The following EFCAB5 variants were observed in gnomAD, a reference collection of about 807,000 sequenced individuals.
EFCAB5 encodes the protein EF-hand calcium binding domain 5, also known as EF-hand calcium-binding domain-containing protein 5.
In EFCAB5, 131 loss-of-function variants were observed where a neutral mutation model predicts 167.9. The ratio of observed to expected loss-of-function variants is 0.78; its 90% confidence interval spans 0.68 to 0.90. The LOEUF (loss-of-function observed/expected upper bound fraction) is 0.90, where lower values mean the gene tolerates loss of function less well. Ranked by LOEUF, EFCAB5 falls within the 40% of genes least tolerant of loss-of-function variation. EFCAB5 has a pLI of 0.00. For synonymous variants in EFCAB5, 574 were observed against 602.8 expected (o/e 0.95, Z 0.70); for missense variants, 1,663 against 1,745.2 (o/e 0.95, Z 0.84).
intron 19 of EFCAB5, among the ~76,000 whole-genome samples, chr17:30,087,811 T>C (rs1190646778): frequency 6.6e-6 from 1 of 152,262 alleles, no homozygotes; most frequent in Non-Finnish European, 1.5e-5. Context: ...ATATACCCGC[T>C]AATGGGATTG....
chr17:30,068,634 G>T (rs1008382799), intron 14 of EFCAB5: 3 of 1,511,914 alleles, frequency 2.0e-6, no homozygotes, highest in Non-Finnish European at 2.7e-6. Flanking sequence ...TCGCTAGGGC[G>T]GTGGACATCA....
intron 10 of EFCAB5, among the ~76,000 whole-genome samples, chr17:30,055,319 A>T (rs932777133): frequency 1.5e-5 from 2 of 136,424 alleles, no homozygotes; most frequent in Non-Finnish European, 3.2e-5. Flanking sequence ...GAAGAGAGAG[A>T]GAGAGGAAGG....
intron 3 of EFCAB5, among the ~76,000 whole-genome samples, chr17:29,966,852 C>T (rs76402142): frequency 6.7e-6 from 1 of 149,282 alleles, no homozygotes; most frequent in Admixed American, 6.6e-5. Flanking sequence ...TTTTTTTTTT[C>T]AGCACTTCCT....
chr17:29,996,789 A>G (rs1341866807), intron 6 of EFCAB5, among the ~76,000 whole-genome samples: 1 of 152,086 alleles, frequency 6.6e-6, no homozygotes, highest in African/African-American at 2.4e-5. Flanking sequence ...CCTTAGTTTG[A>G]ATTTCCTTGA....
upstream of EFCAB5, among the ~76,000 whole-genome samples, chr17:29,937,343 C>T (rs1251472545): frequency 2.0e-5 from 3 of 152,068 alleles, no homozygotes; most frequent in Non-Finnish European, 4.4e-5. Flanking sequence ...TGTGCCACCA[C>T]GCCCGGCTAA....
intron 6 of EFCAB5, among the ~76,000 whole-genome samples, 179 bp downstream of exon 6, chr17:29,996,539 T>C (rs149246800): frequency 1.1e-3 from 162 of 152,324 alleles, no homozygotes; most frequent in African/African-American, 3.6e-3. Context: ...AATCTGTGAT[T>C]CTCAATCCTT....
chr17:29,965,368 C>G (rs1226358390), intron 3 of EFCAB5, among the ~76,000 whole-genome samples: 1 of 151,974 alleles, frequency 6.6e-6, no homozygotes, highest in African/African-American at 2.4e-5. Flanking sequence ...CTAACTTCAT[C>G]AAGCTTTGTG....
chr17:29,965,808 T>C (rs183894612), intron 3 of EFCAB5, among the ~76,000 whole-genome samples: 1 of 152,382 alleles, frequency 6.6e-6, no homozygotes, highest in African/African-American at 2.4e-5. Context: ...CTTATGCCAG[T>C]ACTACTTCAG....
At chr17:30,052,834 T>C (rs533124712) in intron 9 of EFCAB5, among the ~76,000 whole-genome samples, 4 of 152,344 alleles carry the variant, frequency 2.6e-5, no homozygotes, top group African/African-American at 7.2e-5. Context: ...CATTGAAAGA[T>C]TGTCATGGAT....
intron 7 of EFCAB5, among the ~76,000 whole-genome samples, chr17:30,023,408 C>T (rs2069233319): frequency 1.3e-5 from 2 of 152,014 alleles, no homozygotes. Context: ...AACACCTCTA[C>T]TCAAATAAAC....
chr17:29,943,744 CG>C (rs2067339478), intron 3 of EFCAB5, 95 bp downstream of exon 3: 4 of 1,070,010 alleles, frequency 3.7e-6, no homozygotes, highest in Non-Finnish European at 5.3e-6. Context: ...GAGGCCGAGG[CG>C]GGTGGATCAT....
At chr17:30,057,295 T>C (rs1483672875) in intron 12 of EFCAB5, among the ~76,000 whole-genome samples, 2 of 152,236 alleles carry the variant, frequency 1.3e-5, no homozygotes, top group African/African-American at 4.8e-5. Context: ...TGAAAGCATC[T>C]CTAAGCTTAT....
At chr17:30,027,365 TG>T (rs2069358330) in intron 7 of EFCAB5, among the ~76,000 whole-genome samples, 1 of 149,914 alleles carries the variant, frequency 6.7e-6, no homozygotes, top group African/African-American at 2.5e-5. Context: ...GTAGCATATT[TG>T]GGGGTGGCAT....
intron 20 of EFCAB5, among the ~76,000 whole-genome samples, chr17:30,091,482 C>T (rs1045499661): frequency 6.6e-6 from 1 of 152,178 alleles, no homozygotes; most frequent in African/African-American, 2.4e-5. Flanking sequence ...TGTAACTAAG[C>T]ACTTTTACAT....
chr17:29,950,825 AT>A (rs144583578), intron 3 of EFCAB5, among the ~76,000 whole-genome samples: 18 of 152,316 alleles, frequency 1.2e-4, no homozygotes, highest in Non-Finnish European at 2.5e-4. Context: ...TAGCAGTCAA[AT>A]TTTGGGGGAG....
intron 7 of EFCAB5, among the ~76,000 whole-genome samples, chr17:30,029,191 T>C (rs1386563487): frequency 1.3e-5 from 2 of 152,218 alleles, no homozygotes; most frequent in African/African-American, 2.4e-5. Context: ...TAAGTACAGA[T>C]GCTCTTTGAC....
chr17:29,959,252 C>G (rs2067675308), intron 3 of EFCAB5, among the ~76,000 whole-genome samples: 1 of 152,036 alleles, frequency 6.6e-6, no homozygotes, highest in Admixed American at 6.6e-5. Context: ...CCTTTCTGGC[C>G]CAGAGTGAGT....
At chr17:29,991,077 G>T (rs769382529) in intron 4 of EFCAB5, among the ~76,000 whole-genome samples, 1 of 152,146 alleles carries the variant, frequency 6.6e-6, no homozygotes, top group Non-Finnish European at 1.5e-5. Context: ...GTTCCAAGGT[G>T]GAATGAACCA....
intron 1 of EFCAB5, among the ~76,000 whole-genome samples, chr17:29,930,708 C>G (rs369568529): frequency 3.9e-5 from 6 of 152,290 alleles, no homozygotes; most frequent in African/African-American, 1.2e-4. Context: ...CTTTTCCCCC[C>G]CTTCCGTCTA....
Sources: allele counts gnomAD v4.1 joint callset (sites outside exome capture counted in the v4.1 genomes callset), GRCh38; gene constraint gnomAD v4.1.1; transcripts MANE v1.5; gene names NCBI Gene and HGNC (gene_info 2026-07-23, HGNC 2026-07-21).